The following CHD1 variants were observed in gnomAD, a reference collection of about 807,000 sequenced individuals.
The protein encoded by CHD1 is chromodomain helicase DNA binding protein 1.
In CHD1, 36 loss-of-function variants were observed where a neutral mutation model predicts 224.2. The ratio of observed to expected loss-of-function variants is 0.16; its 90% CI spans 0.12 to 0.21. The LOEUF (loss-of-function observed/expected upper bound fraction) is 0.21. Among genes scored for constraint, CHD1 ranks in the 10% least tolerant of loss-of-function variants. CHD1 has a pLI of 1.00. For synonymous variants in CHD1, 668 were observed against 658.3 expected (o/e 1.01, Z -0.23); for missense variants, 1,378 against 1,994.8 (o/e 0.69, Z 5.89).
intron 25 of CHD1, among the ~76,000 whole-genome samples, chr5:98,874,310 A>T (rs567355625): frequency 6.6e-6 from 1 of 152,238 alleles, no homozygotes; most frequent in South Asian, 2.1e-4. Flanking sequence ...AATCACAATA[A>T]TTACTGAGAT....
Position 98,924,699 on chromosome 5 carries a change from G to C in CHD1, c.53+1635C>G, listed in dbSNP as rs565850041. ...TCAGAAAATTCCAAGTGTCAGGCCT[G>C]GCGTGGTGGCTCATGCCTATAATCT... On this transcript the variant is annotated intron_variant, in intron 2 of 35. Coordinates refer to ENST00000614616, the MANE Select transcript of CHD1 (RefSeq NM_001270.4). Among the ~76,000 whole-genome samples the C allele has an allele frequency of 5.9e-5, 9 of 152,300 alleles. No individual in the cohort carries two copies. In the South Asian group the frequency reaches 1.9e-3, roughly 32 times the overall value.
intron 10 of CHD1, 116 bp from the exon 11 acceptor site, chr5:98,897,436 CAG>C (rs1751416620): frequency 1.4e-6 from 1 of 699,902 alleles, no homozygotes; most frequent in African/African-American, 1.8e-5. Context: ...TCATCAAGCT[CAG>C]AGATTCCATT....
intron 2 of CHD1, among the ~76,000 whole-genome samples, chr5:98,915,189 C>T (rs898994889): frequency 6.6e-6 from 1 of 152,112 alleles, no homozygotes; most frequent in African/African-American, 2.4e-5. Context: ...TTTCAGAAAA[C>T]CTGGAAAACA....
At chr5:98,869,599 T>C (rs1377098322) in intron 30 of CHD1, 155 bp downstream of exon 30, 1 of 726,862 alleles carries the variant, frequency 1.4e-6, no homozygotes, top group Non-Finnish European at 2.2e-6. Context: ...TTATGAACTA[T>C]AAGTGCGTGC....
At chr5:98,871,685 C>T (rs1469320550) in intron 28 of CHD1, among the ~76,000 whole-genome samples, 3 of 151,946 alleles carry the variant, frequency 2.0e-5, no homozygotes, top group Non-Finnish European at 2.9e-5. Flanking sequence ...TTCCAGTTAC[C>T]CTGATTGCAT....
At chr5:98,924,668 G>C (rs904208805) in intron 2 of CHD1, among the ~76,000 whole-genome samples, 2 of 152,142 alleles carry the variant, frequency 1.3e-5, no homozygotes, top group Non-Finnish European at 2.9e-5. Context: ...AGTATAACTA[G>C]CAAGGTCAGA....
At position 98,868,528 on chromosome 5, in the gene CHD1, T is replaced by C. The variant is rs371008887; in HGVS notation, c.4215A>G (p.Glu1405=). 90 of 1,612,076 alleles carry C rather than the reference T, an allele frequency of 5.6e-5. No homozygotes were observed. Among genetic ancestry groups the C allele is most frequent in the Non-Finnish European group, 7.5e-5 (88 of 1,179,664 alleles). ...ATGTCTTCTGATCCAGCTCTTCAGA[T>C]TCTTCAGAAATGGGAACTGGTTCAC... ...ASGEPVPISE[E]SEELDQKTFS... Residue 1405 remains glutamate, a synonymous_variant, in exon 31 of 36, where the codon GAA becomes GAG. Coordinates refer to ENST00000614616, the MANE Select transcript of CHD1 (RefSeq NM_001270.4).
chr5:98,920,234 C>G (rs1231508543), intron 2 of CHD1, among the ~76,000 whole-genome samples: 1 of 152,016 alleles, frequency 6.6e-6, no homozygotes, highest in Non-Finnish European at 1.5e-5. Context: ...TGTAAATACT[C>G]CCCCCACCAG....
intron 32 of CHD1, among the ~76,000 whole-genome samples, chr5:98,863,003 G>A (rs1196851171): frequency 6.6e-6 from 1 of 151,992 alleles, no homozygotes; most frequent in Admixed American, 6.6e-5. Context: ...ATTGCGTGAG[G>A]ATGTTAATTT....
intron 18 of CHD1, among the ~76,000 whole-genome samples, chr5:98,884,671 T>A (rs1191935945): frequency 1.3e-5 from 2 of 152,088 alleles, no homozygotes; most frequent in Non-Finnish European, 2.9e-5. Flanking sequence ...AAAAAAAATT[T>A]TTTTTAAAGG....
At chr5:98,907,214 G>C (rs573200294) in intron 2 of CHD1, among the ~76,000 whole-genome samples, 2 of 152,336 alleles carry the variant, frequency 1.3e-5, no homozygotes, top group Admixed American at 1.3e-4. Context: ...CAGGTTTATT[G>C]TTAGAATGTC....
At chr5:98,923,617 T>C (rs906521459) in intron 2 of CHD1, among the ~76,000 whole-genome samples, 4 of 152,122 alleles carry the variant, frequency 2.6e-5, no homozygotes, top group South Asian at 2.1e-4. Context: ...TTTCTCCATG[T>C]TGGTCAAGGT....
intron 32 of CHD1, chr5:98,860,580 C>G (rs1184260432): frequency 6.1e-6 from 1 of 164,484 alleles, no homozygotes; most frequent in Non-Finnish European, 1.3e-5. Flanking sequence ...GTACAGTTTG[C>G]TATCTCTTCC....
chr5:98,906,425 T>C (rs112845408), intron 2 of CHD1, among the ~76,000 whole-genome samples: 246 of 152,284 alleles, frequency 1.6e-3, no homozygotes, highest in African/African-American at 5.4e-3. Context: ...AGCAAGGATA[T>C]TAAAAGATTT....
intron 32 of CHD1, among the ~76,000 whole-genome samples, chr5:98,862,719 G>A (rs925929903): frequency 4.6e-5 from 7 of 152,016 alleles, no homozygotes; most frequent in Admixed American, 4.6e-4. Flanking sequence ...TAATTATAAG[G>A]ATTCAAAAAA....
At chr5:98,903,745 C>A in intron 4 of CHD1, 47 bp downstream of exon 4, 1 of 1,247,238 alleles carries the variant, frequency 8.0e-7, no homozygotes, top group South Asian at 1.2e-5. Flanking sequence ...TTAACTGATT[C>A]AGCAGCATGT....
intron 2 of CHD1, among the ~76,000 whole-genome samples, chr5:98,914,092 T>C (rs1053152098): frequency 6.6e-6 from 1 of 152,158 alleles, no homozygotes; most frequent in Non-Finnish European, 1.5e-5. Flanking sequence ...TACAGCTCAG[T>C]GTAGTCATGT....
chr5:98,863,488 T>C lies in CHD1; in HGVS notation c.4347A>G (p.Gln1449=). ...TATGGTCTCCAATTTTTATTAAACA[T>C]TGTCTAGTATGCTCTAGTTGTTCTC... ...SEREQLEHTR[Q]CLIKIGDHIT... The change falls in exon 32 of 36, where the codon CAA becomes CAG. Residue 1449 remains glutamine, a synonymous_variant. Coordinates refer to ENST00000614616, the MANE Select transcript of CHD1 (RefSeq NM_001270.4). The C allele has an allele frequency of 1.2e-6, 2 of 1,607,912 alleles. No individual in the cohort carries two copies. Among genetic ancestry groups the C allele is most frequent in the Non-Finnish European group, 8.5e-7 (1 of 1,176,280 alleles).
At chr5:98,899,743 TTC>T in intron 7 of CHD1, 38 bp from the exon 8 acceptor site, 1 of 1,433,120 alleles carries the variant, frequency 7.0e-7, no homozygotes, top group East Asian at 2.3e-5. Flanking sequence ...ATGTAATTAA[TTC>T]TGTTGTAGGA....
Sources: gnomAD v4.1 joint callset for allele counts (sites outside exome capture counted in the v4.1 genomes callset) on GRCh38, gnomAD v4.1.1 for gene constraint, MANE v1.5 for transcripts, NCBI Gene and HGNC (gene_info 2026-07-23, HGNC 2026-07-21) for gene names.